DNM3: variants seen among roughly 807,000 people sequenced by gnomAD.
DNM3 encodes dynamin 3.
DNM3 carries 47 observed loss-of-function variants against 101.6 expected under a neutral mutation model. The observed-to-expected ratio is 0.46, with a 90% CI of 0.37 to 0.59. The LOEUF is 0.59. DNM3 is among the 20% of genes least tolerant of loss of function. DNM3 has a pLI of 0.00. For synonymous variants in DNM3, 385 were observed against 387.9 expected, an observed-to-expected ratio of 0.99 and a Z score of 0.09; for missense variants, 849 against 1,085.7, an observed-to-expected ratio of 0.78 and a Z score of 3.06.
intron 3 of DNM3, among the ~76,000 whole-genome samples, chr1:171,988,457 T>G (rs2045421425): frequency 6.6e-6 from 1 of 152,038 alleles, no homozygotes; most frequent in African/African-American, 2.4e-5. Flanking sequence ...TGACTCTGTT[T>G]GTACAGCTGA....
At chr1:172,290,471 G>A (rs2063863922) in intron 15 of DNM3, among the ~76,000 whole-genome samples, 1 of 152,136 alleles carries the variant, frequency 6.6e-6, no homozygotes, top group Non-Finnish European at 1.5e-5. Context: ...CAATGTGGCT[G>A]GAGCAGAATG....
chr1:172,411,048 G>A lies in DNM3; in HGVS notation c.*3207G>A. On this transcript the variant is annotated 3_prime_UTR_variant, in exon 21 of 21. Coordinates refer to ENST00000627582, the MANE Select transcript of DNM3 (RefSeq NM_015569.5). ...AGGTTTTAAAAATACTAGTTAAAAT[G>A]CCACAAGCATGAGTGTGATTGTATG... is the stretch of plus-strand genomic sequence containing the variant. The A allele has an allele frequency of 1.0e-6, 1 of 985,126 alleles. No individual in the cohort carries two copies. Among genetic ancestry groups the A allele is most frequent in the Non-Finnish European group, 1.2e-6 (1 of 829,772 alleles). The allele number at this position is 985,126 out of a possible 1,614,324, so 61.0% of individuals were successfully genotyped here. A position where few individuals can be genotyped will look rare whatever the true frequency, so the allele number is the denominator to read the frequency against.
chr1:172,211,417 A>G (rs1471173899), intron 14 of DNM3, among the ~76,000 whole-genome samples: 1 of 152,140 alleles, frequency 6.6e-6, no homozygotes, highest in Non-Finnish European at 1.5e-5. Context: ...AAAAAGTCTT[A>G]TAGTCTGGGA....
At chr1:172,162,204 C>T (rs552790214) in intron 14 of DNM3, among the ~76,000 whole-genome samples, 2 of 152,114 alleles carry the variant, frequency 1.3e-5, no homozygotes, top group Admixed American at 6.5e-5. Flanking sequence ...TGCCTAACCT[C>T]TGCTTTTGAT....
At chr1:171,975,788 A>G (rs2044323875) in intron 2 of DNM3, among the ~76,000 whole-genome samples, 1 of 152,222 alleles carries the variant, frequency 6.6e-6, no homozygotes, top group African/African-American at 2.4e-5. Flanking sequence ...GAAAAATAAC[A>G]TTGAGGTTGG....
intron 20 of DNM3, 96 bp from the exon 21 acceptor site, chr1:172,407,676 G>A: frequency 8.0e-7 from 1 of 1,245,626 alleles, no homozygotes; most frequent in Non-Finnish European, 1.2e-6. Context: ...GTATGTGCAT[G>A]AGCATGTGTG....
intron 14 of DNM3, among the ~76,000 whole-genome samples, chr1:172,238,719 AG>A (rs1389648013): frequency 2.6e-5 from 4 of 152,092 alleles, no homozygotes; most frequent in African/African-American, 7.2e-5. Flanking sequence ...GGGATATAAG[AG>A]GGAGAAACCT....
intron 17 of DNM3, among the ~76,000 whole-genome samples, chr1:172,373,673 G>A (rs2068463205): frequency 6.6e-6 from 1 of 151,962 alleles, no homozygotes; most frequent in African/African-American, 2.4e-5. Context: ...ACCAGAATTA[G>A]GGTAAAGCAA....
intron 11 of DNM3, among the ~76,000 whole-genome samples, chr1:172,078,338 C>T (rs140448717): frequency 3.9e-4 from 59 of 152,222 alleles, no homozygotes; most frequent in Middle Eastern, 6.8e-3. Context: ...GTGATCTGCC[C>T]GCCTTGGCCT....
chr1:171,914,213 A>C (rs2039525191), intron 1 of DNM3, among the ~76,000 whole-genome samples: 1 of 151,818 alleles, frequency 6.6e-6, no homozygotes, highest in African/African-American at 2.4e-5. Context: ...GCTGGAGTGC[A>C]ATGATGCGAT....
intron 20 of DNM3, among the ~76,000 whole-genome samples, chr1:172,396,544 A>G (rs2070018317): frequency 6.6e-6 from 1 of 152,220 alleles, no homozygotes; most frequent in South Asian, 2.1e-4. Flanking sequence ...AAGTCTGGAT[A>G]GCCACAACTA....
At chr1:171,909,451 A>C (rs1485445095) in intron 1 of DNM3, among the ~76,000 whole-genome samples, 1 of 152,038 alleles carries the variant, frequency 6.6e-6, no homozygotes, top group Non-Finnish European at 1.5e-5. Context: ...AAAAAAAAAA[A>C]AAAAGTCAGA....
At chr1:172,030,248 C>T (rs570114098) in intron 4 of DNM3, among the ~76,000 whole-genome samples, 10 of 152,154 alleles carry the variant, frequency 6.6e-5, no homozygotes, top group South Asian at 2.1e-4. Context: ...TCAGAAATAA[C>T]GCCAGACATC....
intron 17 of DNM3, among the ~76,000 whole-genome samples, chr1:172,331,821 T>C (rs2066198704): frequency 6.6e-6 from 1 of 152,142 alleles, no homozygotes; most frequent in Admixed American, 6.6e-5. Context: ...GATGAGTTCT[T>C]ACAAATTAAT....
At chr1:171,938,426 T>G (rs115632020) in intron 2 of DNM3, among the ~76,000 whole-genome samples, 3,789 of 152,210 alleles carry the variant, frequency 0.025, 157 homozygotes, top group African/African-American at 0.085. Flanking sequence ...ATTTCCATGG[T>G]CCCCATGGAG....
intron 2 of DNM3, among the ~76,000 whole-genome samples, chr1:171,972,945 C>A (rs1001183928): frequency 1.3e-5 from 2 of 152,010 alleles, no homozygotes; most frequent in African/African-American, 4.8e-5. Context: ...CTCTCAATAC[C>A]CTGAAGTTAT....
In DNM3 at chr1:172,010,613, A is replaced by ATT. The variant is rs749047166; in HGVS notation, c.589+21487_589+21488dup. Among the ~76,000 whole-genome samples the ATT allele has an allele frequency of 7.5e-3, 352 of 47,194 alleles. 55 individuals are homozygous for ATT. Among genetic ancestry groups the ATT allele is most frequent in the African/African-American group, 0.018 (229 of 12,660 alleles). 31.0% of individuals were successfully genotyped at this position (47,194 alleles called of 152,430 possible). ...TTTTTCCCTCTCTGCTATTATGGCTATTTTTTTTTTTTTTTTTTTTTTTGG... is the reference window on the plus strand; with the variant it reads ...TTTTTCCCTCTCTGCTATTATGGCTATTTTTTTTTTTTTTTTTTTTTTTTTGG... On this transcript the variant is annotated intron_variant, in intron 4 of 20. Transcript: ENST00000627582.
chr1:172,214,485 A>T (rs2060623641), intron 14 of DNM3, among the ~76,000 whole-genome samples: 1 of 150,152 alleles, frequency 6.7e-6, no homozygotes, highest in African/African-American at 2.5e-5. Flanking sequence ...ATACATACAT[A>T]TGTACATATA....
intron 16 of DNM3, among the ~76,000 whole-genome samples, chr1:172,316,419 T>C (rs2065358017): frequency 6.6e-6 from 1 of 151,510 alleles, no homozygotes; most frequent in Non-Finnish European, 1.5e-5. Context: ...GGACTAAATA[T>C]CCCAATTAAA....
Sources: allele counts gnomAD v4.1 joint callset (sites outside exome capture counted in the v4.1 genomes callset), GRCh38; gene constraint gnomAD v4.1.1; transcripts MANE v1.5; gene names NCBI Gene and HGNC (gene_info 2026-07-23, HGNC 2026-07-21).